RARB: variants seen among roughly 807,000 people sequenced by gnomAD.
The protein encoded by RARB is retinoic acid receptor beta.
In RARB, 17 loss-of-function variants were observed where a neutral mutation model predicts 51.9. The observed-to-expected ratio is 0.33, with a 90% CI of 0.22 to 0.49. The LOEUF is 0.49. RARB is among the 20% of genes least tolerant of loss of function. The pLI, the probability that RARB is intolerant of heterozygous loss-of-function variation, is 0.99. For synonymous variants in RARB, 215 were observed against 195.4 expected, an observed-to-expected ratio of 1.10 and a Z score of -0.84; for missense variants, 369 against 550.8, an observed-to-expected ratio of 0.67 and a Z score of 3.30.
chr3:25,382,288 C>T (rs1045263978), intron 5 of RARB, among the ~76,000 whole-genome samples: 2 of 152,174 alleles, frequency 1.3e-5, no homozygotes, highest in Non-Finnish European at 2.9e-5. Context: ...AATAAATGTT[C>T]AATGACCTGT....
chr3:25,350,203 G>A (rs1705519729), intron 5 of RARB, among the ~76,000 whole-genome samples: 2 of 152,126 alleles, frequency 1.3e-5, no homozygotes. Context: ...GGAGACAGTA[G>A]ACACAGGGGC....
chr3:25,586,135 A>T (rs555566218), intron 5 of RARB, among the ~76,000 whole-genome samples: 1 of 152,016 alleles, frequency 6.6e-6, no homozygotes, highest in East Asian at 1.9e-4. Flanking sequence ...CTCTTTCCTG[A>T]CTCAGAGCCT....
At position 25,085,670 on chromosome 3, in the gene RARB, G is replaced by A. The variant is rs986951458; in HGVS notation, c.-328+25494G>A. ...AAATCAGATTTTTTAGTCTTGTTCAGTGCCTGCCCAAATGATGAAATAAAC... is the reference window on the plus strand; with the variant it reads ...AAATCAGATTTTTTAGTCTTGTTCAATGCCTGCCCAAATGATGAAATAAAC... On this transcript the variant is annotated intron_variant, in intron 3 of 11. Transcript: ENST00000383772. 5.3e-5 allele frequency among the ~76,000 whole-genome samples: 8 copies of A among 152,150 alleles called. No homozygotes were observed. In the East Asian group the frequency reaches 7.7e-4, roughly 15 times the overall value.
intron 3 of RARB, among the ~76,000 whole-genome samples, chr3:25,081,912 C>T (rs965792159): frequency 1.3e-5 from 2 of 151,678 alleles, no homozygotes; most frequent in South Asian, 2.1e-4. Flanking sequence ...GGATTACAGG[C>T]GTGAGCCACT....
chr3:25,276,399 A>G (rs978384884), intron 5 of RARB, among the ~76,000 whole-genome samples: 3 of 152,208 alleles, frequency 2.0e-5, no homozygotes, highest in African/African-American at 7.2e-5. Flanking sequence ...GCATCACACG[A>G]TACTCAATAA....
At chr3:24,880,081 T>G (rs1703129645) in intron 2 of RARB, among the ~76,000 whole-genome samples, 2 of 152,154 alleles carry the variant, frequency 1.3e-5, no homozygotes, top group Non-Finnish European at 2.9e-5. Flanking sequence ...TTCCTCTATT[T>G]TTTGCTTTCT....
chr3:25,330,241 A>C (rs1223408777), intron 5 of RARB, among the ~76,000 whole-genome samples: 1 of 152,132 alleles, frequency 6.6e-6, no homozygotes, highest in Non-Finnish European at 1.5e-5. Context: ...AATGAAGGAA[A>C]AAGTGTTAAG....
intron 4 of RARB, among the ~76,000 whole-genome samples, chr3:25,137,379 C>G (rs1014221263): frequency 9.2e-5 from 14 of 152,106 alleles, no homozygotes; most frequent in African/African-American, 3.4e-4. Flanking sequence ...TTGTTCCCTT[C>G]TCTTTAGCTT....
chr3:25,500,356 ATGT>A (rs1047004876), intron 2 of RARB, among the ~76,000 whole-genome samples: 11 of 151,462 alleles, frequency 7.3e-5, no homozygotes, highest in African/African-American at 2.7e-4. Flanking sequence ...TGTATTTTAA[ATGT>A]TGTGAGAGGA....
intron 5 of RARB, among the ~76,000 whole-genome samples, chr3:25,191,781 T>A (rs1010763849): frequency 6.6e-6 from 1 of 152,090 alleles, no homozygotes; most frequent in Non-Finnish European, 1.5e-5. Context: ...ATATCTATAA[T>A]CCAGTGTTAC....
intron 5 of RARB, among the ~76,000 whole-genome samples, chr3:25,210,301 CAT>C (rs372429977): frequency 5.3e-4 from 81 of 152,130 alleles, no homozygotes; most frequent in Admixed American, 2.0e-3. Context: ...CAGTGCTAGG[CAT>C]ATAAATAAAA....
At chr3:25,181,556 T>C (rs1236469257) in intron 5 of RARB, among the ~76,000 whole-genome samples, 1 of 152,206 alleles carries the variant, frequency 6.6e-6, no homozygotes, top group African/African-American at 2.4e-5. Flanking sequence ...TCCTGCAATG[T>C]ATGCGATAGT....
chr3:25,124,241 G>C (rs1388488488), intron 3 of RARB, among the ~76,000 whole-genome samples: 1 of 152,244 alleles, frequency 6.6e-6, no homozygotes, highest in Middle Eastern at 3.4e-3. Flanking sequence ...GGGTGTCATG[G>C]CAGGCATTTG....
At chr3:25,235,386 T>G (rs1702279119) in intron 5 of RARB, among the ~76,000 whole-genome samples, 1 of 152,114 alleles carries the variant, frequency 6.6e-6, no homozygotes, top group African/African-American at 2.4e-5. Flanking sequence ...GGGATTAGAA[T>G]AATAGTAGAT....
intron 5 of RARB, among the ~76,000 whole-genome samples, chr3:25,286,151 T>G (rs191190474): frequency 0.01 from 1,473 of 140,842 alleles, 19 homozygotes; most frequent in African/African-American, 0.036. Context: ...TGCAGTGGCA[T>G]GATCTCAGCT....
intron 2 of RARB, among the ~76,000 whole-genome samples, chr3:24,864,494 A>G (rs937753367): frequency 1.3e-5 from 2 of 152,098 alleles, no homozygotes; most frequent in African/African-American, 2.4e-5. Flanking sequence ...TTCTGAATCT[A>G]TACTTCCAGC....
At chr3:25,037,717 G>C (rs751185725) in intron 2 of RARB, among the ~76,000 whole-genome samples, 1 of 151,966 alleles carries the variant, frequency 6.6e-6, no homozygotes, top group Non-Finnish European at 1.5e-5. Context: ...AGACAGAATT[G>C]CTGCCCTCAT....
intron 2 of RARB, among the ~76,000 whole-genome samples, chr3:25,019,204 A>T (rs1428877892): frequency 2.0e-5 from 3 of 152,174 alleles, no homozygotes; most frequent in Non-Finnish European, 4.4e-5. Context: ...TATATCTAGG[A>T]TTGTGGAATG....
chr3:25,101,213 C>A (rs1036843264), intron 3 of RARB, among the ~76,000 whole-genome samples: 1 of 152,144 alleles, frequency 6.6e-6, no homozygotes, highest in East Asian at 1.9e-4. Context: ...TATGGCACTT[C>A]TAGTCTCAGA....
Sources: allele counts gnomAD v4.1 joint callset (sites outside exome capture counted in the v4.1 genomes callset), GRCh38; gene constraint gnomAD v4.1.1; transcripts MANE v1.5; gene names NCBI Gene and HGNC (gene_info 2026-07-23, HGNC 2026-07-21).